Variants in ATXN1 observed in about 807,000 individuals in gnomAD.
ATXN1 encodes the protein ataxin 1.
A neutral mutation model predicts 56.4 loss-of-function variants in ATXN1; 8 were observed. The ratio of observed to expected loss-of-function variants is 0.14; its 90% CI spans 0.08 to 0.26. ATXN1 has a LOEUF of 0.26. Ranked by LOEUF, ATXN1 falls within the 10% of genes least tolerant of loss-of-function variation. The pLI is 1.00. For synonymous variants in ATXN1, 514 were observed against 494.6 expected (o/e 1.04, Z -0.52); for missense variants, 987 against 1,106.5 (o/e 0.89, Z 1.53).
chr6:16,518,600 G>A (rs182187033), intron 5 of ATXN1, among the ~76,000 whole-genome samples: 50 of 152,134 alleles, frequency 3.3e-4, no homozygotes, highest in Admixed American at 3.1e-3. Flanking sequence ...AACTTGGGAC[G>A]GGAAGAGAAC....
chr6:16,543,487 G>T (rs990017092), intron 4 of ATXN1, among the ~76,000 whole-genome samples: 3 of 151,942 alleles, frequency 2.0e-5, no homozygotes, highest in African/African-American at 7.3e-5. Flanking sequence ...GACTCTTACA[G>T]GAAAGTATGC....
intron 2 of ATXN1, among the ~76,000 whole-genome samples, chr6:16,699,587 G>GA (rs1759238913): frequency 6.6e-6 from 1 of 152,168 alleles, no homozygotes; most frequent in Non-Finnish European, 1.5e-5. Context: ...GTGGGTCATA[G>GA]TAAAAAGAGT....
At chr6:16,474,080 T>C (rs1760275971) in intron 6 of ATXN1, among the ~76,000 whole-genome samples, 1 of 152,210 alleles carries the variant, frequency 6.6e-6, no homozygotes, top group African/African-American at 2.4e-5. Flanking sequence ...TCTGGCTTTT[T>C]CTTCATGAGA....
chr6:16,520,772 T>C (rs999216872), intron 5 of ATXN1, among the ~76,000 whole-genome samples: 1 of 152,194 alleles, frequency 6.6e-6, no homozygotes, highest in African/African-American at 2.4e-5. Context: ...TTCTAATGAA[T>C]GCTAACTCGT....
At chr6:16,573,676 A>T (rs189347) in intron 4 of ATXN1, among the ~76,000 whole-genome samples, 4,157 of 152,146 alleles carry the variant, frequency 0.027, 169 homozygotes, top group African/African-American at 0.094. Context: ...ACAGCTGTCA[A>T]ATTCTCTTTC....
intron 6 of ATXN1, among the ~76,000 whole-genome samples, chr6:16,332,507 C>A (rs896171543): frequency 6.6e-6 from 1 of 152,154 alleles, no homozygotes; most frequent in Non-Finnish European, 1.5e-5. Context: ...ATTGCCCTCC[C>A]AGGGGACCCC....
chr6:16,660,046 C>A (rs569282076), intron 2 of ATXN1, among the ~76,000 whole-genome samples: 1 of 152,266 alleles, frequency 6.6e-6, no homozygotes, highest in East Asian at 1.9e-4. Flanking sequence ...TTATCGCTGA[C>A]CTTCATTTGC....
intron 6 of ATXN1, among the ~76,000 whole-genome samples, chr6:16,464,746 T>TA (rs34230333): frequency 0.01 from 1,439 of 140,042 alleles, 8 homozygotes; most frequent in Non-Finnish European, 0.016. Context: ...ACAGGGATAG[T>TA]AAAAAAAAAA....
chr6:16,622,217 C>T lies in ATXN1; in HGVS notation c.-489+35559G>A, dbSNP rs60582286. ...TAAGTGCAATAAGGAAAAATTAAAC[C>T]GGTGAAGGGGATAAAAACTGATGAG... On this transcript the variant is annotated intron_variant, in intron 3 of 7. Transcript: ENST00000436367. 1.8e-3 allele frequency among the ~76,000 whole-genome samples: 280 copies of T among 152,092 alleles called. 1 individual carries two copies. The highest frequency in any genetic ancestry group is 6.6e-3 in the African/African-American group (273 of 41,474).
At chr6:16,571,992 T>C (rs1291280635) in intron 4 of ATXN1, among the ~76,000 whole-genome samples, 2 of 152,170 alleles carry the variant, frequency 1.3e-5, no homozygotes, top group Admixed American at 6.5e-5. Flanking sequence ...AAAACATGCA[T>C]TCATATTATA....
At chr6:16,592,034 C>T (rs753692752) in intron 3 of ATXN1, among the ~76,000 whole-genome samples, 17 of 152,060 alleles carry the variant, frequency 1.1e-4, no homozygotes, top group Non-Finnish European at 2.4e-4. Context: ...GTTCTAAAGA[C>T]AAATGTTCAG....
intron 6 of ATXN1, among the ~76,000 whole-genome samples, chr6:16,477,131 C>T (rs914883665): frequency 2.0e-5 from 3 of 152,210 alleles, no homozygotes; most frequent in East Asian, 1.9e-4. Context: ...CAAAGACCCA[C>T]CTTGAGTCTC....
chr6:16,318,389 T>C (rs1470870601), intron 7 of ATXN1, among the ~76,000 whole-genome samples: 1 of 152,198 alleles, frequency 6.6e-6, no homozygotes, highest in African/African-American at 2.4e-5. Flanking sequence ...CTTAACTTTG[T>C]CTGCAAGTGA....
At chr6:16,338,108 C>T (rs1438699208) in intron 6 of ATXN1, among the ~76,000 whole-genome samples, 1 of 152,184 alleles carries the variant, frequency 6.6e-6, no homozygotes, top group Non-Finnish European at 1.5e-5. Context: ...TAAGGACACA[C>T]AGAATTGTAG....
In ATXN1 at chr6:16,561,790, T is replaced by C. The variant is rs1460114544; in HGVS notation, c.-361+23990A>G. Among the ~76,000 whole-genome samples the C allele has an allele frequency of 2.0e-5, 3 of 152,046 alleles. No homozygotes were observed. The South Asian group carries it at 6.2e-4, about 32-fold the overall frequency. ...GATCCTAGGTGAAAGAAACCAGAGA[T>C]GCAACAGAAGCAGAAAACCAAGGGA... On this transcript the variant is annotated intron_variant, in intron 4 of 7. Transcript: ENST00000436367.
intron 2 of ATXN1, among the ~76,000 whole-genome samples, chr6:16,665,802 C>T (rs544428390): frequency 6.6e-6 from 1 of 152,262 alleles, no homozygotes; most frequent in South Asian, 2.1e-4. Context: ...ACTGTATTTA[C>T]TTGGATTCTA....
At chr6:16,380,995 A>T (rs989024086) in intron 6 of ATXN1, among the ~76,000 whole-genome samples, 4 of 152,174 alleles carry the variant, frequency 2.6e-5, no homozygotes, top group African/African-American at 9.6e-5. Context: ...TGTCCTTGTG[A>T]AAAGGGGAAA....
chr6:16,619,781 C>G (rs1384464974), intron 3 of ATXN1, among the ~76,000 whole-genome samples: 1 of 151,348 alleles, frequency 6.6e-6, no homozygotes, highest in African/African-American at 2.4e-5. Context: ...TGGCAACATG[C>G]ACTATAGTCC....
chr6:16,594,473 C>CTT (rs1045184703), intron 3 of ATXN1, among the ~76,000 whole-genome samples: 4 of 143,964 alleles, frequency 2.8e-5, no homozygotes, highest in African/African-American at 1.0e-4. Context: ...CCTTTTTTTC[C>CTT]TTTTTTTTTT....
Sources: allele counts gnomAD v4.1 joint callset (sites outside exome capture counted in the v4.1 genomes callset), GRCh38; gene constraint gnomAD v4.1.1; transcripts MANE v1.5; gene names NCBI Gene and HGNC (gene_info 2026-07-23, HGNC 2026-07-21).